The following VAV3 variants were observed in gnomAD, a reference collection of about 807,000 sequenced individuals.
The protein encoded by VAV3 is vav guanine nucleotide exchange factor 3.
VAV3 carries 94 observed loss-of-function variants against 131.2 expected under a neutral mutation model. That is an observed-to-expected ratio of 0.72 (90% CI 0.61 to 0.85). VAV3 has a LOEUF of 0.85. VAV3 is among the 40% of genes least tolerant of loss of function. The pLI, the probability that VAV3 is intolerant of heterozygous loss-of-function variation, is 0.00. For synonymous variants in VAV3, 349 were observed against 342.0 expected, an observed-to-expected ratio of 1.02 and a Z score of -0.22; for missense variants, 939 against 1,002.7, an observed-to-expected ratio of 0.94 and a Z score of 0.86.
At chr1:107,932,059 G>A (rs1673463269) in intron 1 of VAV3, among the ~76,000 whole-genome samples, 1 of 152,202 alleles carries the variant, frequency 6.6e-6, no homozygotes, top group Non-Finnish European at 1.5e-5. Context: ...GAGCCAGCCT[G>A]GCACACTGCA....
chr1:107,912,638 T>C (rs963506593), intron 1 of VAV3, among the ~76,000 whole-genome samples: 1 of 152,170 alleles, frequency 6.6e-6, no homozygotes, highest in African/African-American at 2.4e-5. Context: ...TTCACAAATA[T>C]TAAGCACCAT....
intron 2 of VAV3, among the ~76,000 whole-genome samples, chr1:107,851,308 A>G (rs905362973): frequency 6.6e-6 from 1 of 151,900 alleles, no homozygotes; most frequent in African/African-American, 2.4e-5. Flanking sequence ...GGCCTTAAAC[A>G]AATGTGTTAT....
At chr1:107,958,628 A>AT (rs768505624) in intron 1 of VAV3, among the ~76,000 whole-genome samples, 122 of 144,680 alleles carry the variant, frequency 8.4e-4, no homozygotes, top group Non-Finnish European at 1.4e-3. Flanking sequence ...AATTTTACTT[A>AT]TTTTTTTTTA....
chr1:107,704,879 G>T, intron 16 of VAV3, 81 bp downstream of exon 16: 1 of 1,393,254 alleles, frequency 7.2e-7, no homozygotes, highest in Non-Finnish European at 1.0e-6. Flanking sequence ...GAACCTATTG[G>T]CTAGAAGGTT....
At chr1:107,884,369 C>T (rs1171250325) in intron 1 of VAV3, among the ~76,000 whole-genome samples, 1 of 150,214 alleles carries the variant, frequency 6.7e-6, no homozygotes, top group African/African-American at 2.4e-5. Context: ...TAAATATATA[C>T]ACCTACTATG....
intron 15 of VAV3, 149 bp downstream of exon 15, chr1:107,748,819 A>T: frequency 1.7e-6 from 1 of 587,694 alleles, no homozygotes; most frequent in East Asian, 3.3e-5. Context: ...CCAGCAGCCT[A>T]GTAGCACTCC....
chr1:107,581,582 G>A (rs764595966), intron 25 of VAV3, among the ~76,000 whole-genome samples: 1 of 152,182 alleles, frequency 6.6e-6, no homozygotes, highest in Non-Finnish European at 1.5e-5. Flanking sequence ...CAAATCATTA[G>A]TGGTTATTAT....
At position 107,683,479 on chromosome 1, in the gene VAV3, G is replaced by A; in HGVS notation, c.1777+9C>T. On this transcript the variant is annotated intron_variant, in intron 19 of 26. Coordinates refer to ENST00000370056, the MANE Select transcript of VAV3 (RefSeq NM_006113.5). ...GCCATAATTATGGAAGGTTTAATCAGAAACACACCTGGATCCACCTGTTTA... is the reference window on the plus strand; with the variant it reads ...GCCATAATTATGGAAGGTTTAATCAAAAACACACCTGGATCCACCTGTTTA... 1.9e-6 allele frequency: 3 copies of A among 1,613,894 alleles called. No individual in the cohort carries two copies. The highest frequency in any genetic ancestry group is 2.5e-6 in the Non-Finnish European group (3 of 1,179,832).
intron 1 of VAV3, among the ~76,000 whole-genome samples, chr1:107,882,052 C>T (rs1484883094): frequency 6.6e-6 from 1 of 152,076 alleles, no homozygotes; most frequent in Non-Finnish European, 1.5e-5. Context: ...AAAAAATAAA[C>T]ACCGACTTCT....
At chr1:107,824,170 T>C (rs941133224) in intron 2 of VAV3, among the ~76,000 whole-genome samples, 2 of 152,118 alleles carry the variant, frequency 1.3e-5, no homozygotes, top group Non-Finnish European at 2.9e-5. Flanking sequence ...ATGAGTGATG[T>C]TGATAAAAGT....
intron 1 of VAV3, among the ~76,000 whole-genome samples, chr1:107,939,391 A>G (rs1481628795): frequency 6.6e-6 from 1 of 152,274 alleles, no homozygotes; most frequent in East Asian, 1.9e-4. Flanking sequence ...TAGAAACTGT[A>G]CTTAGAATTT....
At chr1:107,943,739 T>TCAAAA (rs556734962) in intron 1 of VAV3, among the ~76,000 whole-genome samples, 23 of 152,336 alleles carry the variant, frequency 1.5e-4, no homozygotes, top group East Asian at 5.8e-4. Flanking sequence ...AGACTCCGTC[T>TCAAAA]CAAAACAAAA....
intron 11 of VAV3, among the ~76,000 whole-genome samples, chr1:107,756,498 G>A (rs560769563): frequency 2.4e-4 from 37 of 152,206 alleles, no homozygotes; most frequent in African/African-American, 8.7e-4. Flanking sequence ...GCCAAACAGC[G>A]AAGCTAACAC....
intron 2 of VAV3, among the ~76,000 whole-genome samples, chr1:107,845,126 G>A (rs553370875): frequency 6.6e-6 from 1 of 152,204 alleles, no homozygotes; most frequent in African/African-American, 2.4e-5. Context: ...AGCAATCTTT[G>A]CTCTTCTGCA....
At chr1:107,870,301 A>AT (rs1442135862) in intron 2 of VAV3, among the ~76,000 whole-genome samples, 2 of 151,932 alleles carry the variant, frequency 1.3e-5, no homozygotes, top group Non-Finnish European at 2.9e-5. Flanking sequence ...AACATTTATT[A>AT]TTTTTTGGTT....
At chr1:107,818,209 C>A (rs1165528310) in intron 2 of VAV3, among the ~76,000 whole-genome samples, 1 of 152,206 alleles carries the variant, frequency 6.6e-6, no homozygotes, top group African/African-American at 2.4e-5. Flanking sequence ...GATGGACACA[C>A]CCAGAGGCAA....
intron 2 of VAV3, among the ~76,000 whole-genome samples, chr1:107,791,119 T>C (rs1031567383): frequency 2.0e-5 from 3 of 152,282 alleles, no homozygotes; most frequent in South Asian, 2.1e-4. Flanking sequence ...CCAAAATATA[T>C]ACCTCCTAAC....
chr1:107,718,826 C>T (rs1661297008), intron 15 of VAV3, among the ~76,000 whole-genome samples: 1 of 152,140 alleles, frequency 6.6e-6, no homozygotes, highest in Admixed American at 6.5e-5. Flanking sequence ...ACCACAGTAA[C>T]CAAAACAGCA....
intron 15 of VAV3, among the ~76,000 whole-genome samples, chr1:107,723,914 C>A (rs1352358385): frequency 1.3e-5 from 2 of 152,068 alleles, no homozygotes; most frequent in African/African-American, 4.8e-5. Flanking sequence ...AAATAGAGAA[C>A]ACATCGTAAA....
Sources: gnomAD v4.1 joint callset for allele counts (sites outside exome capture counted in the v4.1 genomes callset) on GRCh38, gnomAD v4.1.1 for gene constraint, MANE v1.5 for transcripts, NCBI Gene and HGNC (gene_info 2026-07-23, HGNC 2026-07-21) for gene names.